Variants in ADCY2 observed in about 807,000 individuals in gnomAD.
The protein encoded by ADCY2 is adenylate cyclase type 2.
ADCY2 carries 31 observed loss-of-function variants against 125.2 expected under a neutral mutation model. That is an observed-to-expected ratio of 0.25 (90% CI 0.19 to 0.33). The LOEUF (loss-of-function observed/expected upper bound fraction) is 0.33. Ranked by LOEUF, ADCY2 falls within the 10% of genes least tolerant of loss-of-function variation. The pLI, the probability that ADCY2 is intolerant of heterozygous loss-of-function variation, is 1.00. For missense variants in ADCY2, 904 were observed against 1,418.2 expected (o/e 0.64, Z 5.82); for synonymous variants, 512 against 548.4 (o/e 0.93, Z 0.93).
intron 4 of ADCY2, among the ~76,000 whole-genome samples, chr5:7,684,223 C>CA (rs1740434810): frequency 6.6e-6 from 1 of 152,194 alleles, no homozygotes; most frequent in South Asian, 2.1e-4. Flanking sequence ...GTGATTTTCT[C>CA]ACACTGGTGC....
rs1192239121 is a variant in ADCY2, at chr5:7,761,145, TTTC to T, written c.2094+3562_2094+3564del. ...TGTATCAAAATTTCTTTTCTTTTCT[TTTC>T]TTTTTTTTTTTTTTTTTTTGAGATG... On this transcript the variant is annotated intron_variant, in intron 16 of 24. Transcript: ENST00000338316. 1.3e-3 allele frequency among the ~76,000 whole-genome samples: 101 copies of T among 75,990 alleles called. 1 individual carries two copies. Among genetic ancestry groups the T allele is most frequent in the African/African-American group, 4.6e-3 (98 of 21,266 alleles). The allele number at this position is 75,990 out of a possible 152,430, so 49.9% of individuals were successfully genotyped here.
At chr5:7,628,067 C>A (rs1029506106) in intron 4 of ADCY2, among the ~76,000 whole-genome samples, 18 of 152,094 alleles carry the variant, frequency 1.2e-4, no homozygotes, top group Non-Finnish European at 8.8e-5. Context: ...TTCTTATGTA[C>A]CTATTTTCAG....
chr5:7,760,485 G>A (rs886833277), intron 16 of ADCY2, among the ~76,000 whole-genome samples: 3 of 152,220 alleles, frequency 2.0e-5, no homozygotes, highest in African/African-American at 4.8e-5. Flanking sequence ...CTCCTGGCCC[G>A]TCAGGAGTGT....
chr5:7,761,311 A>G (rs1743203018), intron 16 of ADCY2, among the ~76,000 whole-genome samples: 1 of 151,598 alleles, frequency 6.6e-6, no homozygotes, highest in Non-Finnish European at 1.5e-5. Context: ...CACTACGCCC[A>G]CCTAATTTTT....
intron 18 of ADCY2, among the ~76,000 whole-genome samples, chr5:7,776,031 C>A (rs1293388779): frequency 6.6e-6 from 1 of 152,130 alleles, no homozygotes. Flanking sequence ...TTACGTAACC[C>A]TGTGACTCAT....
rs1741617569 is a variant in ADCY2, at chr5:7,717,223, G to A, written c.1689G>A (p.Gly563=). The A allele has an allele frequency of 6.2e-7, 1 of 1,606,672 alleles. No homozygotes were observed. Among genetic ancestry groups the A allele is most frequent in the African/African-American group, 1.3e-5 (1 of 74,758 alleles). The part of the protein sequence containing the change: ...LNERMIQAID[G]INAQKQWLKS... The stretch of plus-strand genomic sequence containing the variant: ...AAAGGATGATTCAAGCAATTGATGG[G>A]ATTAATGCACAGAAGTGAGTACTTC... The change falls in exon 12 of 25, where the codon GGG becomes GGA. Residue 563 remains glycine (G), a synonymous_variant. Transcript: ENST00000338316.
Position 7,725,912 on chromosome 5 carries a change from T to A in ADCY2, c.1774-1252T>A, listed in dbSNP as rs535829706. On this transcript the variant is annotated intron_variant, in intron 13 of 24. Coordinates refer to ENST00000338316, the MANE Select transcript of ADCY2 (RefSeq NM_020546.3). Reference sequence around the variant, plus strand: ...GCTTTACATTCCCCATGTACACATATTTGCAGATGCCGACTTTAAAGCAAA... The same window carrying A: ...GCTTTACATTCCCCATGTACACATAATTGCAGATGCCGACTTTAAAGCAAA... 5.9e-5 allele frequency among the ~76,000 whole-genome samples: 9 copies of A among 152,304 alleles called. No individual in the cohort carries two copies. The South Asian group carries it at 1.9e-3, about 32-fold the overall frequency.
At chr5:7,565,286 C>T (rs1735855355) in intron 3 of ADCY2, among the ~76,000 whole-genome samples, 2 of 152,194 alleles carry the variant, frequency 1.3e-5, no homozygotes, top group South Asian at 2.1e-4. Flanking sequence ...AAACGCTGGG[C>T]AACTCATTAA....
intron 3 of ADCY2, among the ~76,000 whole-genome samples, chr5:7,616,773 T>A (rs1361796623): frequency 6.6e-6 from 1 of 152,178 alleles, no homozygotes; most frequent in Admixed American, 6.5e-5. Flanking sequence ...ATTCCTATGT[T>A]GAAGGCTAAC....
intron 4 of ADCY2, among the ~76,000 whole-genome samples, chr5:7,678,090 A>G (rs1196546565): frequency 6.6e-6 from 1 of 152,196 alleles, no homozygotes; most frequent in Non-Finnish European, 1.5e-5. Context: ...TAATCAATAA[A>G]TATTTTTTAA....
chr5:7,723,456 T>C (rs1047693609), intron 12 of ADCY2, among the ~76,000 whole-genome samples: 1 of 152,148 alleles, frequency 6.6e-6, no homozygotes, highest in Non-Finnish European at 1.5e-5. Flanking sequence ...TCCAAATTAC[T>C]TGCTGAAAAC....
In ADCY2 at chr5:7,668,987, G is replaced by A. The variant is rs756143034; in HGVS notation, c.721-21704G>A. Among the ~76,000 whole-genome samples, 161 of 152,178 alleles carry A rather than the reference G, an allele frequency of 1.1e-3. 2 individuals are homozygous for A. The highest frequency in any genetic ancestry group is 3.7e-4 in the Non-Finnish European group (25 of 68,030). On this transcript the variant is annotated intron_variant, in intron 4 of 24. Transcript: ENST00000338316. ...CTGAAACATAATTCTATATTGAAAT[G>A]TGCCTGGTTCTAACTGCACCCAGTA...
At chr5:7,459,544 T>G (rs534198339) in intron 2 of ADCY2, among the ~76,000 whole-genome samples, 1 of 152,258 alleles carries the variant, frequency 6.6e-6, no homozygotes, top group African/African-American at 2.4e-5. Context: ...GTAGGGACAA[T>G]CTTGAAATGG....
intron 20 of ADCY2, 102 bp downstream of exon 20, chr5:7,789,902 C>A: frequency 1.1e-6 from 1 of 897,166 alleles, no homozygotes; most frequent in Non-Finnish European, 1.6e-6. Context: ...TGCAGTACTT[C>A]ACACATCTGA....
In ADCY2 at chr5:7,709,467, C is replaced by A; in HGVS notation, c.1578+80C>A. 1.4e-6 allele frequency: 2 copies of A among 1,410,412 alleles called. No homozygotes were observed. The highest frequency in any genetic ancestry group is 2.8e-5 in the Admixed American group (1 of 35,690). 87.4% of individuals were successfully genotyped at this position (1,410,412 alleles called of 1,614,324 possible). ...AAACCAAAGGCTGGGCATCTCCTGC[C>A]AAAATAACTCCTTTCTGTAAGAAAC... On this transcript the variant is annotated intron_variant, in intron 10 of 24. Transcript: ENST00000338316. The surrounding 1 kb of genome is among the most constrained non-coding windows in gnomAD (Gnocchi z 4.4).
intron 3 of ADCY2, among the ~76,000 whole-genome samples, chr5:7,543,693 TCA>T (rs1229510850): frequency 6.6e-6 from 1 of 152,060 alleles, no homozygotes; most frequent in African/African-American, 2.4e-5. Context: ...GATGCACTCA[TCA>T]ATAGCAGGGA....
chr5:7,471,745 T>G (rs1158979770), intron 2 of ADCY2, among the ~76,000 whole-genome samples: 1 of 152,072 alleles, frequency 6.6e-6, no homozygotes, highest in African/African-American at 2.4e-5. Flanking sequence ...CTATATGTTT[T>G]GCTTGTCTGA....
intron 2 of ADCY2, among the ~76,000 whole-genome samples, chr5:7,447,614 C>T (rs1169903742): frequency 6.6e-6 from 1 of 152,174 alleles, no homozygotes; most frequent in Non-Finnish European, 1.5e-5. Flanking sequence ...CCACAGCCTG[C>T]AGCTGGGCAG....
At chr5:7,575,678 C>T (rs906992315) in intron 3 of ADCY2, among the ~76,000 whole-genome samples, 1 of 152,106 alleles carries the variant, frequency 6.6e-6, no homozygotes, top group Non-Finnish European at 1.5e-5. Flanking sequence ...TATATTTACG[C>T]TTTTGGAAAA....
Sources: allele counts gnomAD v4.1 joint callset (sites outside exome capture counted in the v4.1 genomes callset), GRCh38; gene constraint gnomAD v4.1.1; non-coding constraint Gnocchi (gnomAD v3.1); transcripts MANE v1.5; gene names NCBI Gene and HGNC (gene_info 2026-07-23, HGNC 2026-07-21).